The following SPOCK1 variants were observed in gnomAD, a reference collection of about 807,000 sequenced individuals.
SPOCK1 encodes the protein testican-1.
In SPOCK1, 23 loss-of-function variants were observed where a neutral mutation model predicts 55.3. The ratio of observed to expected loss-of-function variants is 0.42; its 90% CI spans 0.30 to 0.59. The LOEUF (loss-of-function observed/expected upper bound fraction) is 0.59, where lower values mean the gene tolerates loss of function less well. Among genes scored for constraint, SPOCK1 ranks in the 20% least tolerant of loss-of-function variants. The pLI, the probability that SPOCK1 is intolerant of heterozygous loss-of-function variation, is 0.22. For synonymous variants in SPOCK1, 226 were observed against 221.0 expected (o/e 1.02, Z -0.20); for missense variants, 499 against 552.5 (o/e 0.90, Z 0.97).
chr5:137,266,346 G>C (rs879861049), intron 3 of SPOCK1, among the ~76,000 whole-genome samples: 1 of 152,156 alleles, frequency 6.6e-6, no homozygotes, highest in Admixed American at 6.5e-5. Context: ...ATGGAACAAC[G>C]GGGGAAGGGA....
chr5:137,421,783 T>C (rs1427954773), intron 2 of SPOCK1, among the ~76,000 whole-genome samples: 1 of 152,224 alleles, frequency 6.6e-6, no homozygotes, highest in Non-Finnish European at 1.5e-5. Flanking sequence ...CATTGGAGCA[T>C]TTAGCCCATT....
At chr5:137,411,314 A>G (rs1316307326) in intron 2 of SPOCK1, among the ~76,000 whole-genome samples, 1 of 152,012 alleles carries the variant, frequency 6.6e-6, no homozygotes, top group African/African-American at 2.4e-5. Context: ...ACGGGTAGAG[A>G]GATGAGCAGT....
chr5:137,390,986 C>G (rs2127179197), intron 2 of SPOCK1, among the ~76,000 whole-genome samples: 1 of 152,198 alleles, frequency 6.6e-6, no homozygotes, highest in East Asian at 1.9e-4. Context: ...GTTTGCTGCA[C>G]CCATCAACCC....
intron 6 of SPOCK1, among the ~76,000 whole-genome samples, chr5:137,018,696 A>C (rs1034686553): frequency 2.6e-5 from 4 of 152,140 alleles, no homozygotes; most frequent in Non-Finnish European, 4.4e-5. Context: ...ATACAAATGC[A>C]TATTAGGATT....
At chr5:137,399,658 C>T (rs888575869) in intron 2 of SPOCK1, among the ~76,000 whole-genome samples, 5 of 152,060 alleles carry the variant, frequency 3.3e-5, no homozygotes, top group African/African-American at 4.8e-5. Flanking sequence ...GACGTTTGCA[C>T]GTAAAGAGAG....
intron 2 of SPOCK1, among the ~76,000 whole-genome samples, chr5:137,349,467 G>T (rs1013463344): frequency 6.6e-6 from 1 of 152,244 alleles, no homozygotes; most frequent in Admixed American, 6.5e-5. Context: ...AGAGGCGGAA[G>T]ATCAAGCTTA....
At chr5:137,196,307 T>A (rs987081387) in intron 3 of SPOCK1, among the ~76,000 whole-genome samples, 1 of 152,144 alleles carries the variant, frequency 6.6e-6, no homozygotes, top group Non-Finnish European at 1.5e-5. Context: ...CAGAGAGCAC[T>A]TTTCATAACA....
At chr5:137,079,542 C>CA (rs1371610178) in intron 5 of SPOCK1, among the ~76,000 whole-genome samples, 10 of 149,886 alleles carry the variant, frequency 6.7e-5, no homozygotes, top group East Asian at 6.1e-4. Context: ...TTCCCCCCCC[C>CA]CCCGACTTAG....
At chr5:137,044,414 G>A (rs1445279823) in intron 6 of SPOCK1, among the ~76,000 whole-genome samples, 1 of 152,168 alleles carries the variant, frequency 6.6e-6, no homozygotes, top group East Asian at 1.9e-4. Flanking sequence ...ATAGAAAATA[G>A]AATGAAGTAC....
At chr5:137,144,251 A>T (rs1754152142) in intron 3 of SPOCK1, among the ~76,000 whole-genome samples, 3 of 152,152 alleles carry the variant, frequency 2.0e-5, no homozygotes, top group Admixed American at 2.0e-4. Flanking sequence ...TTGTTCCTGT[A>T]GTTTTGCCAT....
At position 137,162,599 on chromosome 5, in the gene SPOCK1, G is replaced by T. The variant is rs1002931257; in HGVS notation, c.233-21905C>A. ...GGGGTGATGCTACTGGTATCTAGTG[G>T]GTTGAGGCCAGAGTGGTGCTAAACA... On this transcript the variant is annotated intron_variant, in intron 3 of 10. Transcript: ENST00000394945. Among the ~76,000 whole-genome samples, 18 of 152,088 alleles carry T rather than the reference G, an allele frequency of 1.2e-4. 1 individual carries two copies. Among genetic ancestry groups the T allele is most frequent in the African/African-American group, 4.3e-4 (18 of 41,400 alleles).
rs868729912 is a variant in SPOCK1 at position 137,256,509 on chromosome 5, C to T, written c.232+10501G>A. ...GACAGAGGGCAAGAGGTCAGACTCA[C>T]AGCCTCAAGTCCTTTTACAATAGGT... On this transcript the variant is annotated intron_variant, in intron 3 of 10. Transcript: ENST00000394945. 2.6e-5 allele frequency among the ~76,000 whole-genome samples: 4 copies of T among 152,306 alleles called. No individual in the cohort carries two copies. The South Asian group carries it at 8.3e-4, about 32-fold the overall frequency.
intron 5 of SPOCK1, among the ~76,000 whole-genome samples, chr5:137,073,281 A>G (rs1752651736): frequency 6.6e-6 from 1 of 152,210 alleles, no homozygotes; most frequent in Admixed American, 6.5e-5. Context: ...CAAGAGAGAG[A>G]AAGAGACAGA....
At chr5:137,009,934 A>T (rs927350039) in intron 6 of SPOCK1, among the ~76,000 whole-genome samples, 15 of 152,144 alleles carry the variant, frequency 9.9e-5, no homozygotes, top group Non-Finnish European at 1.9e-4. Context: ...GTGGAATTTT[A>T]ACAAGGAAGA....
At chr5:137,037,561 G>C (rs559498106) in intron 6 of SPOCK1, among the ~76,000 whole-genome samples, 2 of 152,262 alleles carry the variant, frequency 1.3e-5, no homozygotes, top group African/African-American at 2.4e-5. Flanking sequence ...ACATCTAAGT[G>C]GTTTAGGATA....
intron 4 of SPOCK1, among the ~76,000 whole-genome samples, chr5:137,135,458 C>T (rs934705780): frequency 2.6e-5 from 4 of 152,166 alleles, no homozygotes; most frequent in African/African-American, 9.7e-5. Flanking sequence ...CTTAAGAATG[C>T]CTATGAGAAT....
intron 2 of SPOCK1, among the ~76,000 whole-genome samples, chr5:137,318,821 A>C (rs1757930310): frequency 6.6e-6 from 1 of 152,140 alleles, no homozygotes; most frequent in Non-Finnish European, 1.5e-5. Context: ...GTCAAGATAA[A>C]ATTTTTCCTA....
At chr5:137,174,208 T>C (rs1224789233) in intron 3 of SPOCK1, among the ~76,000 whole-genome samples, 3 of 152,234 alleles carry the variant, frequency 2.0e-5, no homozygotes, top group Non-Finnish European at 4.4e-5. Flanking sequence ...GCTTTCCTTC[T>C]GGAAAGAGGG....
Position 137,272,770 on chromosome 5 carries a change from C to T in SPOCK1, c.187-5715G>A, listed in dbSNP as rs373378987. On this transcript the variant is annotated intron_variant, in intron 2 of 10. Transcript: ENST00000394945. ...CCCCAACACACACACGGGCCTAGGC[C>T]GCTTCTGAGCAGGGATGGGTCTTAC... Among the ~76,000 whole-genome samples, 165 of 134,652 alleles carry T rather than the reference C, an allele frequency of 1.2e-3. 1 individual carries two copies. Among genetic ancestry groups the T allele is most frequent in the African/African-American group, 4.4e-3 (156 of 35,786 alleles). The allele number at this position is 134,652 out of a possible 152,430, so 88.3% of individuals were successfully genotyped here. A position where few individuals can be genotyped will look rare whatever the true frequency, so the allele number is the denominator to read the frequency against.
Sources: allele counts gnomAD v4.1 joint callset (sites outside exome capture counted in the v4.1 genomes callset), GRCh38; gene constraint gnomAD v4.1.1; transcripts MANE v1.5; gene names NCBI Gene and HGNC (gene_info 2026-07-23, HGNC 2026-07-21).